Variants in WDR25 observed in about 807,000 individuals in gnomAD.
WDR25 encodes WD repeat-containing protein 25.
Under a neutral mutation model 47.7 loss-of-function variants are expected in WDR25, and 35 were observed. The ratio of observed to expected loss-of-function variants is 0.73; its 90% CI spans 0.56 to 0.97. The LOEUF is 0.97. Ranked by LOEUF, WDR25 falls within the 50% of genes least tolerant of loss-of-function variation. The pLI is 0.00. For missense variants in WDR25, 634 were observed against 704.7 expected (o/e 0.90, Z 1.14); for synonymous variants, 248 against 278.9 (o/e 0.89, Z 1.10).
Position 100,428,387 on chromosome 14 carries a change from C to T in WDR25, c.823-39634C>T, listed in dbSNP as rs1414051431. 1.3e-5 allele frequency among the ~76,000 whole-genome samples: 2 copies of T among 152,300 alleles called. No homozygotes were observed. Among genetic ancestry groups the T allele is most frequent in the East Asian group, 3.9e-4 (2 of 5,184 alleles). ...TCAGAGCATGGCGTCTGGAGTCAGGCGGCCTGGCTACGGGTCTTGGGTCTG... is the reference window on the plus strand; with the variant it reads ...TCAGAGCATGGCGTCTGGAGTCAGGTGGCCTGGCTACGGGTCTTGGGTCTG... On this transcript the variant is annotated intron_variant, in intron 2 of 6. Transcript: ENST00000402312. The surrounding 1 kb of genome is among the most constrained non-coding windows in gnomAD (Gnocchi z 4.3).
intron 4 of WDR25, among the ~76,000 whole-genome samples, chr14:100,512,373 A>AT (rs1158959711): frequency 2.0e-5 from 3 of 152,064 alleles, no homozygotes; most frequent in Non-Finnish European, 4.4e-5. Context: ...AAGTTGTCCA[A>AT]TTTTTTGGCA....
intron 1 of WDR25, among the ~76,000 whole-genome samples, 159 bp from the exon 2 acceptor site, chr14:100,380,751 C>G (rs1896864588): frequency 6.6e-6 from 1 of 152,192 alleles, no homozygotes; most frequent in African/African-American, 2.4e-5. Context: ...ACCTCGGCCT[C>G]CTGAAGTGCT....
In WDR25 at chr14:100,403,176, A is replaced by G. The variant is rs929759761; in HGVS notation, c.822+21430A>G. Among the ~76,000 whole-genome samples, 4 of 152,258 alleles carry G rather than the reference A, an allele frequency of 2.6e-5. No homozygotes were observed. The East Asian group carries it at 7.7e-4, about 29-fold the overall frequency. On this transcript the variant is annotated intron_variant, in intron 2 of 6. Transcript: ENST00000402312. ...TGAAAACTGATTTTTTAAGAATAGA[A>G]ATACAAATTGGTATTTGATGTACAG...
intron 2 of WDR25, among the ~76,000 whole-genome samples, chr14:100,410,291 T>C (rs1339950917): frequency 6.6e-6 from 1 of 152,082 alleles, no homozygotes; most frequent in African/African-American, 2.4e-5. Flanking sequence ...TGAGGGTGTA[T>C]GCGTCAAGGG....
intron 3 of WDR25, among the ~76,000 whole-genome samples, chr14:100,474,805 A>G (rs1458820971): frequency 1.3e-5 from 2 of 152,230 alleles, no homozygotes; most frequent in African/African-American, 4.8e-5. Flanking sequence ...ATTGCATCAA[A>G]CTAAAAAGCT....
rs543408881 is a variant in WDR25 at position 100,389,575 on chromosome 14, A to G, written c.822+7829A>G. On this transcript the variant is annotated intron_variant, in intron 2 of 6. Coordinates refer to ENST00000402312, the MANE Select transcript of WDR25 (RefSeq NM_001161476.3). The stretch of plus-strand genomic sequence containing the variant: ...GAGGGGCAGTCAGAAGGTACATGTG[A>G]GTGAGACCAACTGTGTCAGCCCAGG... 3.0e-4 allele frequency among the ~76,000 whole-genome samples: 45 copies of G among 152,290 alleles called. No individual in the cohort carries two copies. In the South Asian group the frequency reaches 4.6e-3, roughly 15 times the overall value.
intron 4 of WDR25, among the ~76,000 whole-genome samples, chr14:100,513,938 CTT>C (rs761749635): frequency 2.3e-4 from 33 of 141,388 alleles, no homozygotes; most frequent in African/African-American, 3.1e-4. Flanking sequence ...ATCTTTTTTA[CTT>C]TTTTTTTTTT....
At chr14:100,412,545 C>T (rs1011579121) in intron 2 of WDR25, among the ~76,000 whole-genome samples, 5 of 152,138 alleles carry the variant, frequency 3.3e-5, no homozygotes, top group East Asian at 3.8e-4. Flanking sequence ...TGTGCGTCTA[C>T]GTTAATAAGT....
Position 100,525,790 on chromosome 14 carries a change from C to A in WDR25, c.1102-80C>A. 4 of 1,546,228 alleles carry A rather than the reference C, an allele frequency of 2.6e-6. No homozygotes were observed. Among genetic ancestry groups the A allele is most frequent in the Non-Finnish European group, 3.5e-6 (4 of 1,143,356 alleles). Reference sequence around the variant, plus strand: ...TAAACTTCACTAAACCTGCCTGCCCCCTGGGTCCTTGGCCTTCCCTGCATA... The same window carrying A: ...TAAACTTCACTAAACCTGCCTGCCCACTGGGTCCTTGGCCTTCCCTGCATA... On this transcript the variant is annotated intron_variant, in intron 4 of 6. Transcript: ENST00000402312. This position sits in a 1 kb window ranked among gnomAD's most constrained non-coding sequence, Gnocchi z 4.6.
intron 2 of WDR25, among the ~76,000 whole-genome samples, chr14:100,408,906 T>C (rs1345235455): frequency 1.3e-5 from 2 of 152,230 alleles, no homozygotes; most frequent in Admixed American, 6.5e-5. Context: ...AAATAGGAAA[T>C]AAAATGCATG....
chr14:100,379,971 A>C (rs889918858), intron 1 of WDR25, among the ~76,000 whole-genome samples: 2 of 147,456 alleles, frequency 1.4e-5, no homozygotes, highest in Admixed American at 1.4e-4. Flanking sequence ...TGAGCTCCTG[A>C]CCTTGTGATT....
At chr14:100,464,262 C>T (rs1431553438) in intron 2 of WDR25, among the ~76,000 whole-genome samples, 1 of 152,224 alleles carries the variant, frequency 6.6e-6, no homozygotes, top group Non-Finnish European at 1.5e-5. Context: ...CTTTCTCACC[C>T]CTTCAGGACT....
Position 100,407,492 on chromosome 14 carries a change from T to C in WDR25, c.822+25746T>C, listed in dbSNP as rs1242916089. 1 of 152,304 alleles carries C rather than the reference T, an allele frequency of 6.6e-6. No homozygotes were observed. The highest frequency in any genetic ancestry group is 1.5e-5 in the Non-Finnish European group (1 of 68,106). The allele number at this position is 152,304 out of a possible 1,614,324, so 9.4% of individuals were successfully genotyped here. A position where few individuals can be genotyped will look rare whatever the true frequency, so the allele number is the denominator to read the frequency against. On this transcript the variant is annotated intron_variant, in intron 2 of 6. Coordinates refer to ENST00000402312, the MANE Select transcript of WDR25 (RefSeq NM_001161476.3). This position sits in a 1 kb window ranked among gnomAD's most constrained non-coding sequence, Gnocchi z 4.1. ...AGGTTCTGGACGGGGCTGGCAGTTG[T>C]GTGTGGGGCTCATGGATGGTTTTAG... is the stretch of plus-strand genomic sequence containing the variant.
At chr14:100,385,650 A>G (rs1184952715) in intron 2 of WDR25, among the ~76,000 whole-genome samples, 1 of 152,218 alleles carries the variant, frequency 6.6e-6, no homozygotes, top group East Asian at 1.9e-4. Context: ...AAAATAAAAC[A>G]ATGACTCATA....
Position 100,523,440 on chromosome 14 carries a change from C to G in WDR25, c.1102-2430C>G, listed in dbSNP as rs1165531290. Among the ~76,000 whole-genome samples, 2 of 152,184 alleles carry G rather than the reference C, an allele frequency of 1.3e-5. No homozygotes were observed. On this transcript the variant is annotated intron_variant, in intron 4 of 6. Transcript: ENST00000402312. This position sits in a 1 kb window ranked among gnomAD's most constrained non-coding sequence, Gnocchi z 4.7. ...TGGGGTGAGGGATAGCTGGGTGCAT[C>G]CGCCAGTCCTTCTTCTTTCTGAGGA...
chr14:100,529,381 C>A lies in WDR25; in HGVS notation c.1413+173C>A. On this transcript the variant is annotated intron_variant, in intron 6 of 6. Coordinates refer to ENST00000402312, the MANE Select transcript of WDR25 (RefSeq NM_001161476.3). The surrounding 1 kb of genome is among the most constrained non-coding windows in gnomAD (Gnocchi z 5.1). ...ACTGTCTCTTCAAGTCCCTGAACCA[C>A]ATCTGGTCCTCACCCCAGGCCCCAC... 2 of 989,476 alleles carry A rather than the reference C, an allele frequency of 2.0e-6. No individual in the cohort carries two copies. Among genetic ancestry groups the A allele is most frequent in the Non-Finnish European group, 2.9e-6 (2 of 681,074 alleles). 61.3% of individuals were successfully genotyped at this position (989,476 alleles called of 1,614,324 possible).
Position 100,526,037 on chromosome 14 carries a change from C to T in WDR25, c.1269C>T (p.Phe423=). The change falls in exon 5 of 7, where the codon TTC becomes TTT. Residue 423 remains phenylalanine, a synonymous_variant. Coordinates refer to ENST00000402312, the MANE Select transcript of WDR25 (RefSeq NM_001161476.3). The stretch of plus-strand genomic sequence containing the variant: ...CTGCCAAAATCTCCAACCAGATTTT[C>T]CACGTAAGAAATCCCATTTGGCATT... The part of the protein sequence containing the change: ...RTSAKISNQI[F]HERFTCPSLA... 1.2e-6 allele frequency: 2 copies of T among 1,614,040 alleles called. No homozygotes were observed. The highest frequency in any genetic ancestry group is 1.7e-6 in the Non-Finnish European group (2 of 1,179,960).
At position 100,498,474 on chromosome 14, in the gene WDR25, G is replaced by T. The variant is rs566561241; in HGVS notation, c.1101+14350G>T. Among the ~76,000 whole-genome samples the T allele has an allele frequency of 6.6e-6, 1 of 152,034 alleles. No individual in the cohort carries two copies. Among genetic ancestry groups the T allele is most frequent in the African/African-American group, 2.4e-5 (1 of 41,388 alleles). On this transcript the variant is annotated intron_variant, in intron 4 of 6. Transcript: ENST00000402312. This position sits in a 1 kb window ranked among gnomAD's most constrained non-coding sequence, Gnocchi z 4.2. ...TTTTTTCAAAAAGGTCGGTTTTCTG[G>T]CTCACCTCACTCATTTGCTCATTGA...
intron 4 of WDR25, among the ~76,000 whole-genome samples, chr14:100,513,467 TATTA>T (rs1901379644): frequency 1.3e-5 from 2 of 152,194 alleles, no homozygotes; most frequent in Admixed American, 6.5e-5. Context: ...AGTAAATATC[TATTA>T]TTTATAAATT....
Sources: allele counts gnomAD v4.1 joint callset (sites outside exome capture counted in the v4.1 genomes callset), GRCh38; gene constraint gnomAD v4.1.1; non-coding constraint Gnocchi (gnomAD v3.1); transcripts MANE v1.5; gene names NCBI Gene and HGNC (gene_info 2026-07-23, HGNC 2026-07-21).